Variants in ANKHD1 observed in about 807,000 individuals in gnomAD.
ANKHD1 encodes the protein ankyrin repeat and KH domain containing 1, also known as ankyrin repeat and KH domain-containing protein 1.
Under a neutral mutation model 230.5 loss-of-function variants are expected in ANKHD1, and 31 were observed. The ratio of observed to expected loss-of-function variants is 0.13; its 90% CI spans 0.10 to 0.18. The LOEUF is 0.18. Among genes scored for constraint, ANKHD1 ranks in the 10% least tolerant of loss-of-function variants. The pLI is 1.00. For synonymous variants in ANKHD1, 1,074 were observed against 1,117.6 expected (o/e 0.96, Z 0.78); for missense variants, 2,256 against 3,071.3 (o/e 0.73, Z 6.27).
At chr5:140,491,904 G>A (rs1205610869) in intron 14 of ANKHD1, among the ~76,000 whole-genome samples, 1 of 152,116 alleles carries the variant, frequency 6.6e-6, no homozygotes, top group Non-Finnish European at 1.5e-5. Flanking sequence ...TATTTTGAAG[G>A]CAGAAGAAAA....
At chr5:140,419,874 T>TCTTCTTCTGTCCTTCCTTCCTTC (rs1771797107) in intron 1 of ANKHD1, among the ~76,000 whole-genome samples, 1 of 132,742 alleles carries the variant, frequency 7.5e-6, no homozygotes, top group Admixed American at 7.7e-5. Context: ...TTTCTTTCTT[T>TCTTCTTCTGTCCTTCCTTCCTTC]CTTCTTCTGT....
rs534989516 is a variant in ANKHD1 at position 140,537,964 on chromosome 5, G to A, written c.7229-122G>A. 78 of 1,409,768 alleles carry A rather than the reference G, an allele frequency of 5.5e-5. 1 individual carries two copies. In the South Asian group the frequency reaches 8.9e-4, roughly 16 times the overall value. The allele number at this position is 1,409,768 out of a possible 1,614,324, so 87.3% of individuals were successfully genotyped here. A position where few individuals can be genotyped will look rare whatever the true frequency, so the allele number is the denominator to read the frequency against. ...TGGCTAGCAAGACTGTGATAAATAC[G>A]CTTTGAGCTCTTCAGAGGAAAGATT... On this transcript the variant is annotated intron_variant, in intron 31 of 33. Coordinates refer to ENST00000360839, the MANE Select transcript of ANKHD1 (RefSeq NM_017747.3).
In ANKHD1 at chr5:140,497,125, C is replaced by A; in HGVS notation, c.2851C>A (p.Leu951Ile). 6.2e-7 allele frequency: 1 copy of A among 1,614,104 alleles called. No homozygotes were observed. Among genetic ancestry groups the A allele is most frequent in the Non-Finnish European group, 8.5e-7 (1 of 1,180,010 alleles). ...TTCTAATGGGACAAATTCTCTTGAA[C>A]TTCAGAAAGTATCAGGTAATCAGCA... ...LGSNGTNSLE[L>I]QKVSGNQQIV... The change falls in exon 15 of 34, where the codon CTT becomes ATT. Residue 951 changes from leucine to isoleucine, a missense_variant. Transcript: ENST00000360839.
At position 140,485,834 on chromosome 5, in the gene ANKHD1, C is replaced by A; in HGVS notation, c.2142+102C>A. The A allele has an allele frequency of 6.8e-7, 1 of 1,478,360 alleles. No individual in the cohort carries two copies. Among genetic ancestry groups the A allele is most frequent in the Non-Finnish European group, 9.1e-7 (1 of 1,096,390 alleles). The allele number at this position is 1,478,360 out of a possible 1,614,324, so 91.6% of individuals were successfully genotyped here. ...TAAGCAAAATGGACTTGTTTTTATT[C>A]TCTGTTACATATTGAGAAAATCATG... On this transcript the variant is annotated intron_variant, in intron 13 of 33. Coordinates refer to ENST00000360839, the MANE Select transcript of ANKHD1 (RefSeq NM_017747.3). The surrounding 1 kb of genome is among the most constrained non-coding windows in gnomAD (Gnocchi z 4.8).
chr5:140,478,017 A>G (rs999203706), intron 10 of ANKHD1, among the ~76,000 whole-genome samples: 3 of 152,206 alleles, frequency 2.0e-5, no homozygotes, highest in Non-Finnish European at 4.4e-5. Flanking sequence ...GGGAGAATAT[A>G]CCTAAAGTTG....
chr5:140,475,156 C>G (rs1750894004), intron 10 of ANKHD1, among the ~76,000 whole-genome samples: 3 of 152,018 alleles, frequency 2.0e-5, no homozygotes, highest in Non-Finnish European at 4.4e-5. Context: ...AATATAAGTA[C>G]AAATGACTTC....
rs146483017 is a variant in ANKHD1, at chr5:140,424,279, A to G, written c.307-11825A>G. On this transcript the variant is annotated intron_variant, in intron 1 of 33. Coordinates refer to ENST00000360839, the MANE Select transcript of ANKHD1 (RefSeq NM_017747.3). ...ATAGAGATGTATCACACACACATCT[A>G]TATATACACACACGCACTCATCTAG... Among the ~76,000 whole-genome samples the G allele has an allele frequency of 4.1e-3, 623 of 152,142 alleles. 3 individuals are homozygous for G. The highest frequency in any genetic ancestry group is 0.014 in the African/African-American group (598 of 41,500).
intron 6 of ANKHD1, among the ~76,000 whole-genome samples, chr5:140,446,608 G>A (rs1036679052): frequency 7.2e-5 from 11 of 152,040 alleles, no homozygotes; most frequent in Non-Finnish European, 1.5e-4. Context: ...TGATCCTCCT[G>A]CCTCAGCCTC....
intron 9 of ANKHD1, among the ~76,000 whole-genome samples, chr5:140,460,643 C>G (rs1403462442): frequency 6.6e-6 from 1 of 152,132 alleles, no homozygotes; most frequent in African/African-American, 2.4e-5. Context: ...GCCTCAGCCT[C>G]CCAGGTAGCT....
chr5:140,402,356 C>T (rs1430695039), intron 1 of ANKHD1, 83 bp downstream of exon 1: 76 of 1,374,126 alleles, frequency 5.5e-5, no homozygotes, highest in Non-Finnish European at 6.7e-5. Context: ...GCCATCCTCC[C>T]GCTTCCCTGG....
intron 1 of ANKHD1, among the ~76,000 whole-genome samples, chr5:140,424,225 G>C (rs543891564): frequency 6.7e-6 from 1 of 150,222 alleles, no homozygotes; most frequent in African/African-American, 2.5e-5. Flanking sequence ...TATATAGAGA[G>C]AGAGAGAGAG....
chr5:140,470,034 A>G (rs1776378466), intron 10 of ANKHD1, among the ~76,000 whole-genome samples: 2 of 152,056 alleles, frequency 1.3e-5, no homozygotes. Context: ...TTATAAATGA[A>G]TGTAGCCATG....
At chr5:140,457,436 A>G (rs1194566041) in intron 7 of ANKHD1, among the ~76,000 whole-genome samples, 1 of 152,246 alleles carries the variant, frequency 6.6e-6, no homozygotes, top group Non-Finnish European at 1.5e-5. Flanking sequence ...TCACAATAGC[A>G]AAGACTTGGA....
intron 15 of ANKHD1, among the ~76,000 whole-genome samples, chr5:140,498,705 A>G (rs1752144751): frequency 6.6e-6 from 1 of 152,194 alleles, no homozygotes; most frequent in South Asian, 2.1e-4. Context: ...AATGTGAAGT[A>G]TGATTACGAA....
At chr5:140,458,051 T>C (rs1775349031) in intron 7 of ANKHD1, among the ~76,000 whole-genome samples, 1 of 152,214 alleles carries the variant, frequency 6.6e-6, no homozygotes, top group Non-Finnish European at 1.5e-5. Context: ...TTTGCCTCAT[T>C]GCAACAAGGT....
At chr5:140,520,381 G>A (rs1454772048) in intron 24 of ANKHD1, among the ~76,000 whole-genome samples, 22 of 152,098 alleles carry the variant, frequency 1.4e-4, no homozygotes, top group South Asian at 8.3e-4. Flanking sequence ...CGATTCCTCA[G>A]GGATCTAGAA....
Position 140,517,052 on chromosome 5 carries a change from G to A in ANKHD1, c.4317+3573G>A, listed in dbSNP as rs1447961431. Among the ~76,000 whole-genome samples the A allele has an allele frequency of 3.8e-3, 556 of 148,082 alleles. 1 individual carries two copies. Among genetic ancestry groups the A allele is most frequent in the Non-Finnish European group, 7.0e-3 (461 of 66,294 alleles). ...GCTGTATTCAGGAAACCCATCTCAC[G>A]TGCAGAGACACACATAGGCTCAAAA... is the stretch of plus-strand genomic sequence containing the variant. On this transcript the variant is annotated intron_variant, in intron 24 of 33. Coordinates refer to ENST00000360839, the MANE Select transcript of ANKHD1 (RefSeq NM_017747.3).
chr5:140,461,639 C>G (rs1440718140), intron 9 of ANKHD1, among the ~76,000 whole-genome samples: 1 of 151,980 alleles, frequency 6.6e-6, no homozygotes, highest in African/African-American at 2.4e-5. Context: ...TGTACTTCTT[C>G]CACATCCCCA....
Position 140,527,742 on chromosome 5 carries a change from T to G in ANKHD1, c.5088-131T>G. On this transcript the variant is annotated intron_variant, in intron 27 of 33. Transcript: ENST00000360839. This position sits in a 1 kb window ranked among gnomAD's most constrained non-coding sequence, Gnocchi z 4.5. The stretch of plus-strand genomic sequence containing the variant: ...GAGATCAATTTCTAAAATAAAAACT[T>G]TTAATAATTTCCTCTTTAGCATTTA... 1 of 1,172,514 alleles carries G rather than the reference T, an allele frequency of 8.5e-7. No homozygotes were observed. The highest frequency in any genetic ancestry group is 1.1e-6 in the Non-Finnish European group (1 of 898,588). 72.6% of individuals were successfully genotyped at this position (1,172,514 alleles called of 1,614,324 possible). A position where few individuals can be genotyped will look rare whatever the true frequency, so the allele number is the denominator to read the frequency against.
Sources: allele counts gnomAD v4.1 joint callset (sites outside exome capture counted in the v4.1 genomes callset), GRCh38; gene constraint gnomAD v4.1.1; non-coding constraint Gnocchi (gnomAD v3.1); transcripts MANE v1.5; gene names NCBI Gene and HGNC (gene_info 2026-07-23, HGNC 2026-07-21).